PPP1R21: variants seen among roughly 807,000 people sequenced by gnomAD.
The protein encoded by PPP1R21 is protein phosphatase 1 regulatory subunit 21.
In PPP1R21, 85 loss-of-function variants were observed where a neutral mutation model predicts 112.8. That is an observed-to-expected ratio of 0.75 (90% CI 0.63 to 0.90). The LOEUF (loss-of-function observed/expected upper bound fraction) is 0.90. PPP1R21 is among the 40% of genes least tolerant of loss of function. The probability of loss-of-function intolerance (pLI) is 0.00; values close to 1 mark genes in which losing one functional copy is unlikely to be tolerated. For missense variants in PPP1R21, 1,199 were observed against 901.5 expected (o/e 1.33, Z -4.23); for synonymous variants, 381 against 322.3 (o/e 1.18, Z -1.95).
intron 6 of PPP1R21, among the ~76,000 whole-genome samples, chr2:48,460,851 C>G (rs1667946564): frequency 6.6e-6 from 1 of 152,146 alleles, no homozygotes; most frequent in Non-Finnish European, 1.5e-5. Flanking sequence ...AATATTATTT[C>G]TAAGATTACT....
chr2:48,480,090 C>T lies in PPP1R21; in HGVS notation c.1318+74C>T. 3 of 996,992 alleles carry T rather than the reference C, an allele frequency of 3.0e-6. No homozygotes were observed. The Admixed American group carries it at 5.1e-5, about 17-fold the overall frequency. 61.8% of individuals were successfully genotyped at this position (996,992 alleles called of 1,614,324 possible). ...TCGATCTGCCTGAATAAGATTTAAA[C>T]AAACACTGCCAAGGGTAATAGACCC... On this transcript the variant is annotated intron_variant, in intron 13 of 21. Coordinates refer to ENST00000294952, the MANE Select transcript of PPP1R21 (RefSeq NM_001135629.3).
At chr2:48,503,341 A>G (rs1015885167) in intron 17 of PPP1R21, among the ~76,000 whole-genome samples, 2 of 152,228 alleles carry the variant, frequency 1.3e-5, no homozygotes, top group African/African-American at 4.8e-5. Context: ...ACATCCTGTT[A>G]TAAGAAACTC....
chr2:48,474,653 C>A, intron 11 of PPP1R21, 30 bp from the exon 12 acceptor site: 1 of 1,586,804 alleles, frequency 6.3e-7, no homozygotes, highest in Non-Finnish European at 8.6e-7. Flanking sequence ...GTTTGGGATG[C>A]TCACTTCTTA....
intron 1 of PPP1R21, among the ~76,000 whole-genome samples, chr2:48,445,678 T>G (rs565092557): frequency 6.6e-6 from 1 of 152,254 alleles, no homozygotes; most frequent in African/African-American, 2.4e-5. Flanking sequence ...ACTGCAAGGG[T>G]TGGGGTTTTG....
intron 9 of PPP1R21, among the ~76,000 whole-genome samples, chr2:48,469,381 A>G (rs1163112639): frequency 6.6e-5 from 1 of 15,086 alleles, no homozygotes; most frequent in Non-Finnish European, 1.5e-4. Flanking sequence ...TATATATAGC[A>G]TATATATATA....
intron 1 of PPP1R21, among the ~76,000 whole-genome samples, chr2:48,441,779 T>G (rs540300623): frequency 4.6e-5 from 7 of 152,372 alleles, no homozygotes; most frequent in African/African-American, 1.7e-4. Context: ...TTAAGAATAT[T>G]TTAATGAAGT....
At chr2:48,443,339 G>GT (rs1667112589) in intron 1 of PPP1R21, among the ~76,000 whole-genome samples, 1 of 152,204 alleles carries the variant, frequency 6.6e-6, no homozygotes, top group African/African-American at 2.4e-5. Context: ...AGTTGAGGAA[G>GT]TTTAGGGTTG....
At chr2:48,455,607 A>G (rs1436886388) in intron 3 of PPP1R21, among the ~76,000 whole-genome samples, 1 of 152,230 alleles carries the variant, frequency 6.6e-6, no homozygotes, top group Non-Finnish European at 1.5e-5. Flanking sequence ...GAGAAGAGAC[A>G]GTGGAATATC....
chr2:48,515,001 G>A lies in PPP1R21; in HGVS notation c.*257G>A. The A allele has an allele frequency of 2.3e-6, 1 of 443,080 alleles. No individual in the cohort carries two copies. Among genetic ancestry groups the A allele is most frequent in the South Asian group, 5.2e-5 (1 of 19,148 alleles). The allele number at this position is 443,080 out of a possible 1,614,324, so 27.4% of individuals were successfully genotyped here. A position where few individuals can be genotyped will look rare whatever the true frequency, so the allele number is the denominator to read the frequency against. On this transcript the variant is annotated 3_prime_UTR_variant, in exon 22 of 22. Coordinates refer to ENST00000294952, the MANE Select transcript of PPP1R21 (RefSeq NM_001135629.3). Reference sequence around the variant, plus strand: ...TGGATATTGTAGGTTTCCTTATGCTGTTTTTACTGTGCACTTTTTAAAATT... The same window carrying A: ...TGGATATTGTAGGTTTCCTTATGCTATTTTTACTGTGCACTTTTTAAAATT...
At chr2:48,473,047 C>G (rs1171580966) in intron 11 of PPP1R21, among the ~76,000 whole-genome samples, 2 of 147,814 alleles carry the variant, frequency 1.4e-5, no homozygotes, top group African/African-American at 5.0e-5. Flanking sequence ...ATTATAAGTC[C>G]TTGTAAAACT....
At chr2:48,507,954 G>A (rs1670464733) in intron 19 of PPP1R21, among the ~76,000 whole-genome samples, 1 of 150,470 alleles carries the variant, frequency 6.6e-6, no homozygotes, top group South Asian at 2.1e-4. Flanking sequence ...TTGTAGAGAT[G>A]GAGTTTCACC....
At chr2:48,467,877 G>A (rs1170088319) in intron 9 of PPP1R21, among the ~76,000 whole-genome samples, 1 of 152,216 alleles carries the variant, frequency 6.6e-6, no homozygotes, top group African/African-American at 2.4e-5. Flanking sequence ...TGCTATACAT[G>A]TGTGCTGTAA....
At chr2:48,441,155 T>TA in intron 1 of PPP1R21, 145 bp downstream of exon 1, 1 of 661,212 alleles carries the variant, frequency 1.5e-6, no homozygotes, top group Non-Finnish European at 2.7e-6. Context: ...CGTCCACCAT[T>TA]ACGGTGCCTC....
At chr2:48,494,580 T>C (rs1669733812) in intron 15 of PPP1R21, among the ~76,000 whole-genome samples, 1 of 150,300 alleles carries the variant, frequency 6.7e-6, no homozygotes, top group Non-Finnish European at 1.5e-5. Context: ...CCCCGGCTAA[T>C]TGTTTTTGTA....
intron 14 of PPP1R21, 89 bp from the exon 15 acceptor site, chr2:48,490,929 C>T: frequency 8.6e-7 from 1 of 1,162,116 alleles, no homozygotes; most frequent in South Asian, 1.4e-5. Flanking sequence ...TTCTCAACAT[C>T]TTTAAACTTT....
Position 48,440,901 on chromosome 2 carries a change from G to C in PPP1R21, c.-53G>C, listed in dbSNP as rs1244514373. 16 of 1,347,556 alleles carry C rather than the reference G, an allele frequency of 1.2e-5. No individual in the cohort carries two copies. Among genetic ancestry groups the C allele is most frequent in the Non-Finnish European group, 1.6e-5 (15 of 956,998 alleles). The allele number at this position is 1,347,556 out of a possible 1,614,324, so 83.5% of individuals were successfully genotyped here. A position where few individuals can be genotyped will look rare whatever the true frequency, so the allele number is the denominator to read the frequency against. ...GGGAGCGTGTCTGGGTTTGGGGGCG[G>C]GAGACAGGCTGAGCCGCCTGGGCGG... is the stretch of plus-strand genomic sequence containing the variant. On this transcript the variant is annotated 5_prime_UTR_variant, in exon 1 of 22. Transcript: ENST00000294952.
At position 48,510,392 on chromosome 2, in the gene PPP1R21, A is replaced by G. The variant is rs193195240; in HGVS notation, c.2184+279A>G. Among the ~76,000 whole-genome samples, 35 of 152,284 alleles carry G rather than the reference A, an allele frequency of 2.3e-4. No individual in the cohort carries two copies. The East Asian group carries it at 6.7e-3, about 29-fold the overall frequency. ...AATTTTTCTTTCCCCTTCCTTGTACATACCCATCATGGTGAGCTGTAGGCT... is the reference window on the plus strand; with the variant it reads ...AATTTTTCTTTCCCCTTCCTTGTACGTACCCATCATGGTGAGCTGTAGGCT... On this transcript the variant is annotated intron_variant, in intron 20 of 21. Coordinates refer to ENST00000294952, the MANE Select transcript of PPP1R21 (RefSeq NM_001135629.3).
At chr2:48,494,830 G>A (rs1270777285) in intron 15 of PPP1R21, among the ~76,000 whole-genome samples, 7 of 152,168 alleles carry the variant, frequency 4.6e-5, no homozygotes, top group African/African-American at 1.7e-4. Flanking sequence ...GGAGCCTCCT[G>A]CCTCAGCCTC....
intron 12 of PPP1R21, among the ~76,000 whole-genome samples, chr2:48,476,149 T>G (rs1456801877): frequency 6.6e-6 from 1 of 152,158 alleles, no homozygotes; most frequent in Non-Finnish European, 1.5e-5. Context: ...ACCCTAGTAA[T>G]TTACATTCTG....
Sources: allele counts gnomAD v4.1 joint callset (sites outside exome capture counted in the v4.1 genomes callset), GRCh38; gene constraint gnomAD v4.1.1; transcripts MANE v1.5; gene names NCBI Gene and HGNC (gene_info 2026-07-23, HGNC 2026-07-21).